N4BP2: variants seen among roughly 807,000 people sequenced by gnomAD.
N4BP2 encodes NEDD4 binding protein 2.
In N4BP2, 91 loss-of-function variants were observed where a neutral mutation model predicts 152.8. That is an observed-to-expected ratio of 0.60 (90% confidence interval 0.50 to 0.71). N4BP2 has a LOEUF of 0.71. N4BP2 is among the 30% of genes least tolerant of loss of function. N4BP2 has a pLI of 0.00. For synonymous variants in N4BP2, 646 were observed against 705.3 expected (o/e 0.92, Z 1.33); for missense variants, 1,923 against 2,059.1 (o/e 0.93, Z 1.28).
chr4:40,161,643 A>G (rs960338060), downstream of N4BP2, among the ~76,000 whole-genome samples: 2 of 152,244 alleles, frequency 1.3e-5, no homozygotes, highest in Admixed American at 1.3e-4. Flanking sequence ...TGTACGTAAA[A>G]TGATACGATG....
intron 15 of N4BP2, among the ~76,000 whole-genome samples, chr4:40,143,594 TC>T (rs1000241195): frequency 2.0e-5 from 3 of 152,188 alleles, no homozygotes. Context: ...AGGTACTACT[TC>T]CGGCCAGGAA....
In N4BP2 at chr4:40,120,282, C is replaced by A; in HGVS notation, c.2171C>A (p.Ser724Ter). The A allele has an allele frequency of 1.2e-6, 2 of 1,613,236 alleles. No homozygotes were observed. Among genetic ancestry groups the A allele is most frequent in the South Asian group, 2.2e-5 (2 of 91,000 alleles). Residue 724 changes from serine (S) to a stop codon, truncating the protein, a stop_gained, in exon 9 of 18, where the codon TCA (serine) becomes TAA (stop). Coordinates refer to ENST00000261435, the MANE Select transcript of N4BP2 (RefSeq NM_018177.6). LOFTEE classifies it high-confidence loss of function. ...ACAGATAGTTCTATGGAGAGAGTAT[C>A]ACCTAGTACTTGCTGTAGTGAAAAT... ...TDTDSSMERV[S>*]PSTCCSENNQ...
chr4:40,103,497 T>C (rs34368881), intron 4 of N4BP2, among the ~76,000 whole-genome samples: 212 of 152,286 alleles, frequency 1.4e-3, no homozygotes, highest in Non-Finnish European at 2.7e-3. Context: ...AGAAGAGAGC[T>C]AATTTGAGTG....
In N4BP2 at chr4:40,097,214, C is replaced by A; in HGVS notation, c.-114-13C>A. ...TATATAGTCTGAGTGTTTTTAATTG[C>A]TTTCTATTTTAGGTCTTTTTACTGC... On this transcript the variant is annotated splice_polypyrimidine_tract_variant and intron_variant, in intron 2 of 17. Transcript: ENST00000261435. 2.8e-6 allele frequency: 2 copies of A among 709,374 alleles called. No individual in the cohort carries two copies. The highest frequency in any genetic ancestry group is 4.8e-6 in the Non-Finnish European group (2 of 416,108). 43.9% of individuals were successfully genotyped at this position (709,374 alleles called of 1,614,324 possible). A position where few individuals can be genotyped will look rare whatever the true frequency, so the allele number is the denominator to read the frequency against.
chr4:40,159,667 G>A (rs551259402), downstream of N4BP2, among the ~76,000 whole-genome samples: 3 of 152,142 alleles, frequency 2.0e-5, no homozygotes, highest in Non-Finnish European at 4.4e-5. Flanking sequence ...ATCTAGCTGC[G>A]AGGGAGGCTG....
rs562885793 is a variant in N4BP2, at chr4:40,147,064, C to T, written c.5143+2264C>T. On this transcript the variant is annotated intron_variant, in intron 16 of 17. Coordinates refer to ENST00000261435, the MANE Select transcript of N4BP2 (RefSeq NM_018177.6). ...CTAGGCAGAGGACCCTGCGGCCTTC[C>T]GCAGTGTTTGTGTCCCTGGGTACTT... Among the ~76,000 whole-genome samples, 57 of 149,736 alleles carry T rather than the reference C, an allele frequency of 3.8e-4. 1 individual carries two copies. Among genetic ancestry groups the T allele is most frequent in the African/African-American group, 1.3e-3 (52 of 40,560 alleles).
chr4:40,169,207 A>G, the N4BP2 span, among the ~76,000 whole-genome samples: 1 of 151,046 alleles, frequency 6.6e-6, no homozygotes, highest in Non-Finnish European at 1.5e-5. Flanking sequence ...ACGTAGAGAA[A>G]CCCCGCCTTT....
chr4:40,135,168 A>C (rs1370825878), intron 13 of N4BP2, among the ~76,000 whole-genome samples: 5 of 140,026 alleles, frequency 3.6e-5, no homozygotes, highest in Non-Finnish European at 6.0e-5. Context: ...CTTATTGTTC[A>C]ATTCCCACCT....
intron 12 of N4BP2, among the ~76,000 whole-genome samples, chr4:40,131,038 G>GA (rs568172058): frequency 0.02 from 2,892 of 147,082 alleles, 99 homozygotes; most frequent in African/African-American, 0.066. Flanking sequence ...GTGAAAAACT[G>GA]AAAAAAAAAA....
chr4:40,079,488 TG>T (rs1713139551), intron 2 of N4BP2, among the ~76,000 whole-genome samples: 1 of 151,350 alleles, frequency 6.6e-6, no homozygotes, highest in Non-Finnish European at 1.5e-5. Flanking sequence ...TTTTTTTCAG[TG>T]TAGGAAAACC....
chr4:40,145,890 C>T (rs540771824), intron 16 of N4BP2, among the ~76,000 whole-genome samples: 10 of 152,084 alleles, frequency 6.6e-5, no homozygotes, highest in South Asian at 2.1e-4. Flanking sequence ...TGGCCGGGTG[C>T]GGTGGCTCAT....
At chr4:40,078,077 T>C (rs1560574627) in intron 2 of N4BP2, 1 of 151,998 alleles carries the variant, frequency 6.6e-6, no homozygotes, top group Non-Finnish European at 1.5e-5. Context: ...CCTTTTTGAA[T>C]TGGATTTTAA....
intron 12 of N4BP2, among the ~76,000 whole-genome samples, chr4:40,131,242 GT>G (rs1437258821): frequency 6.6e-6 from 1 of 152,124 alleles, no homozygotes; most frequent in East Asian, 1.9e-4. Context: ...CAACTGGTTT[GT>G]TTTTATTTTA....
At chr4:40,149,521 A>G (rs1720939712) in intron 16 of N4BP2, among the ~76,000 whole-genome samples, 1 of 152,210 alleles carries the variant, frequency 6.6e-6, no homozygotes, top group African/African-American at 2.4e-5. Context: ...AACATGATGA[A>G]TATGCTAAAA....
At position 40,118,476 on chromosome 4, in the gene N4BP2, G is replaced by A. The variant is rs547716729; in HGVS notation, c.1820+452G>A. 1.6e-4 allele frequency among the ~76,000 whole-genome samples: 25 copies of A among 152,206 alleles called. No individual in the cohort carries two copies. The East Asian group carries it at 4.3e-3, about 26-fold the overall frequency. On this transcript the variant is annotated intron_variant, in intron 8 of 17. Transcript: ENST00000261435. ...TAAGGTGGACTTTTGTTATTTTTAA[G>A]GATTTACTTATAGTCTTACCTAGGG...
intron 12 of N4BP2, 77 bp from the exon 13 acceptor site, chr4:40,131,724 A>G (rs547634768): frequency 1.5e-5 from 16 of 1,051,484 alleles, no homozygotes; most frequent in Non-Finnish European, 2.3e-5. Context: ...TTTTGCAACA[A>G]GTTAACCATG....
At chr4:40,174,242 T>A in the N4BP2 span, among the ~76,000 whole-genome samples, 1 of 151,670 alleles carries the variant, frequency 6.6e-6, no homozygotes, top group African/African-American at 2.4e-5. Flanking sequence ...CCCGATGTGG[T>A]AGTGCATGCC....
intron 3 of N4BP2, among the ~76,000 whole-genome samples, chr4:40,099,580 T>G (rs529035608): frequency 6.6e-6 from 1 of 152,150 alleles, no homozygotes; most frequent in South Asian, 2.1e-4. Context: ...GGAATAAAAT[T>G]GCATTTTTCC....
rs1385236243 is a variant in N4BP2 at position 40,155,631 on chromosome 4, T to C, written c.*1394T>C. 6.6e-6 allele frequency: 1 copy of C among 152,182 alleles called. No individual in the cohort carries two copies. Among genetic ancestry groups the C allele is most frequent in the Non-Finnish European group, 1.5e-5 (1 of 68,024 alleles). 9.4% of individuals were successfully genotyped at this position (152,182 alleles called of 1,614,324 possible). A position where few individuals can be genotyped will look rare whatever the true frequency, so the allele number is the denominator to read the frequency against. ...AATTTTCCAATATGAGACAATGGCT[T>C]AAATTTGCCTTTGGAGATGGAGAAT... On this transcript the variant is annotated 3_prime_UTR_variant, in exon 18 of 18. Coordinates refer to ENST00000261435, the MANE Select transcript of N4BP2 (RefSeq NM_018177.6).
Sources: gnomAD v4.1 joint callset for allele counts (sites outside exome capture counted in the v4.1 genomes callset) on GRCh38, gnomAD v4.1.1 for gene constraint, MANE v1.5 for transcripts, NCBI Gene and HGNC (gene_info 2026-07-23, HGNC 2026-07-21) for gene names.